CBR4: variants seen among roughly 807,000 people sequenced by gnomAD.
The protein encoded by CBR4 is 3-oxoacyl-[acyl-carrier-protein] reductase.
Under a neutral mutation model 21.0 loss-of-function variants are expected in CBR4, and 22 were observed. The ratio of observed to expected loss-of-function variants is 1.05; its 90% CI spans 0.75 to 1.50. The LOEUF (loss-of-function observed/expected upper bound fraction) is 1.50, where lower values mean the gene tolerates loss of function less well. Among genes scored for constraint, CBR4 ranks in the 40% most tolerant of loss-of-function variants. The probability of loss-of-function intolerance (pLI) is 0.00; values close to 1 mark genes in which losing one functional copy is unlikely to be tolerated. For missense variants in CBR4, 302 were observed against 286.3 expected (o/e 1.05, Z -0.40); for synonymous variants, 100 against 104.4 (o/e 0.96, Z 0.26).
intron 4 of CBR4, among the ~76,000 whole-genome samples, chr4:168,997,508 C>T (rs994996676): frequency 1.3e-5 from 2 of 152,056 alleles, no homozygotes; most frequent in Admixed American, 6.6e-5. Context: ...GCAGGAGGAT[C>T]GCTTGAACCC....
At chr4:168,958,193 G>A (rs939785091) in intron 2 of CBR4, among the ~76,000 whole-genome samples, 21 of 152,054 alleles carry the variant, frequency 1.4e-4, no homozygotes, top group African/African-American at 5.1e-4. Flanking sequence ...GAACCCAAGA[G>A]GCGGAGGTTG....
At chr4:168,925,476 C>T (rs1237861875) in intron 2 of CBR4, 1 of 596,496 alleles carries the variant, frequency 1.7e-6, no homozygotes, top group Non-Finnish European at 3.0e-6. Flanking sequence ...TATTCTATCG[C>T]AGTGTCCTAA....
rs1190855367 is a variant in CBR4 at position 169,010,252 on chromosome 4, T to C, written c.-163A>G. On this transcript the variant is annotated 5_prime_UTR_variant, in exon 1 of 5. Coordinates refer to ENST00000306193, the MANE Select transcript of CBR4 (RefSeq NM_032783.5). ...CTCGACACCTCCTGCAGCCGCACAA[T>C]AGTAATGCAAGACGCCGTGAAAAGG... 1.3e-5 allele frequency: 8 copies of C among 613,118 alleles called. No individual in the cohort carries two copies. Among genetic ancestry groups the C allele is most frequent in the South Asian group, 1.1e-4 (5 of 44,210 alleles). 38.0% of individuals were successfully genotyped at this position (613,118 alleles called of 1,614,324 possible). A position where few individuals can be genotyped will look rare whatever the true frequency, so the allele number is the denominator to read the frequency against.
At chr4:168,917,196 G>C (rs1047046449) in intron 2 of CBR4, among the ~76,000 whole-genome samples, 1 of 150,950 alleles carries the variant, frequency 6.6e-6, no homozygotes, top group South Asian at 2.1e-4. Context: ...GTACAGGCAC[G>C]CACCACCACG....
intron 4 of CBR4, among the ~76,000 whole-genome samples, chr4:168,997,356 T>C (rs559453814): frequency 1.3e-5 from 2 of 152,204 alleles, no homozygotes; most frequent in African/African-American, 4.8e-5. Context: ...TCAATTTTTA[T>C]AGGAACTCTT....
chr4:168,933,852 CAAG>C (rs1763031058), intron 2 of CBR4, among the ~76,000 whole-genome samples: 3 of 152,134 alleles, frequency 2.0e-5, no homozygotes, highest in Non-Finnish European at 1.5e-5. Flanking sequence ...AAATCAATAA[CAAG>C]AAGAATATTC....
intron 2 of CBR4, among the ~76,000 whole-genome samples, chr4:168,931,352 A>T (rs1485268075): frequency 6.6e-6 from 1 of 152,142 alleles, no homozygotes; most frequent in Non-Finnish European, 1.5e-5. Flanking sequence ...TATGAGAAAC[A>T]GTCCAGTGGG....
At chr4:168,941,403 A>G (rs550799005) in intron 2 of CBR4, among the ~76,000 whole-genome samples, 2 of 152,330 alleles carry the variant, frequency 1.3e-5, no homozygotes, top group African/African-American at 4.8e-5. Context: ...CAGTATATGC[A>G]AATCAGTAAA....
At chr4:169,006,628 A>C (rs1730930015) in intron 3 of CBR4, 127 bp downstream of exon 3, 1 of 894,508 alleles carries the variant, frequency 1.1e-6, no homozygotes, top group South Asian at 1.8e-5. Flanking sequence ...CAATTAATTA[A>C]ATCCTTTTTT....
chr4:168,962,391 G>C lies in CBR4; in HGVS notation n.169+39680C>G, dbSNP rs1332630871. On this transcript the variant is annotated intron_variant and non_coding_transcript_variant, in intron 2 of 3. Coordinates refer to the CBR4 transcript ENST00000509108. Reference sequence around the variant, plus strand: ...GACCACGTCAATGGATATCAGGATGGAAGGGGTTAGAAGAACTCAAGGTTG... The same window carrying C: ...GACCACGTCAATGGATATCAGGATGCAAGGGGTTAGAAGAACTCAAGGTTG... 2.0e-5 allele frequency among the ~76,000 whole-genome samples: 3 copies of C among 152,178 alleles called. No homozygotes were observed. The South Asian group carries it at 6.2e-4, about 32-fold the overall frequency.
intron 2 of CBR4, among the ~76,000 whole-genome samples, chr4:168,929,725 C>T (rs568257116): frequency 6.6e-5 from 10 of 152,286 alleles, no homozygotes; most frequent in Admixed American, 1.3e-4. Context: ...CCTCCCCAAG[C>T]CTCAGTTTCC....
chr4:168,903,670 G>C lies in CBR4; in HGVS notation n.170-8905C>G. Reference sequence around the variant, plus strand: ...TAACATGAAAACTCAGATCAGCTCTGCAAACCACACTGTTACTATTTTCAG... The same window carrying C: ...TAACATGAAAACTCAGATCAGCTCTCCAAACCACACTGTTACTATTTTCAG... On this transcript the variant is annotated intron_variant and non_coding_transcript_variant, in intron 2 of 3. Coordinates refer to the CBR4 transcript ENST00000509108. 7.1e-6 allele frequency: 8 copies of C among 1,125,104 alleles called. No homozygotes were observed. In the South Asian group the frequency reaches 1.0e-4, roughly 14 times the overall value. The allele number at this position is 1,125,104 out of a possible 1,614,324, so 69.7% of individuals were successfully genotyped here.
At chr4:168,923,254 T>TA (rs1329765139) in intron 2 of CBR4, among the ~76,000 whole-genome samples, 69 of 152,366 alleles carry the variant, frequency 4.5e-4, no homozygotes, top group African/African-American at 1.6e-3. Context: ...TAAAATTCAA[T>TA]AAAAATCCAA....
chr4:168,959,502 G>A (rs1763780273), intron 2 of CBR4, among the ~76,000 whole-genome samples: 1 of 148,122 alleles, frequency 6.8e-6, no homozygotes, highest in Admixed American at 6.7e-5. Flanking sequence ...TTATAAAACT[G>A]CTTTGGCTAA....
downstream of CBR4, among the ~76,000 whole-genome samples, chr4:168,987,245 C>T (rs1312413910): frequency 3.3e-5 from 5 of 152,206 alleles, no homozygotes; most frequent in East Asian, 1.9e-4. Flanking sequence ...GCATCAAAGT[C>T]GCATAAAAAG....
At chr4:168,928,622 T>C (rs1762844249) in intron 2 of CBR4, among the ~76,000 whole-genome samples, 1 of 152,196 alleles carries the variant, frequency 6.6e-6, no homozygotes, top group Non-Finnish European at 1.5e-5. Flanking sequence ...TCAGCTGGAC[T>C]GTATTCTCAT....
intron 2 of CBR4, among the ~76,000 whole-genome samples, chr4:168,973,018 C>T (rs971471848): frequency 2.6e-5 from 4 of 152,178 alleles, no homozygotes; most frequent in African/African-American, 9.7e-5. Context: ...GCTTTTTCTG[C>T]ATCTATTGGG....
At chr4:168,942,576 T>G (rs187641084) in intron 2 of CBR4, among the ~76,000 whole-genome samples, 1 of 152,098 alleles carries the variant, frequency 6.6e-6, no homozygotes, top group Non-Finnish European at 1.5e-5. Context: ...TAGAAAAAGA[T>G]TTTATGAGTA....
chr4:168,968,665 A>T (rs1281082997), intron 2 of CBR4, among the ~76,000 whole-genome samples: 1 of 152,210 alleles, frequency 6.6e-6, no homozygotes, highest in Non-Finnish European at 1.5e-5. Context: ...ATCACCTAGC[A>T]CATTCCATCA....
Sources: gnomAD v4.1 joint callset for allele counts (sites outside exome capture counted in the v4.1 genomes callset) on GRCh38, gnomAD v4.1.1 for gene constraint, MANE v1.5 for transcripts, NCBI Gene and HGNC (gene_info 2026-07-23, HGNC 2026-07-21) for gene names.